Variants in NBAS observed in about 807,000 individuals in gnomAD.
The protein encoded by NBAS is NAG/BC035112 fusion.
NBAS carries 219 observed loss-of-function variants against 302.5 expected under a neutral mutation model. The ratio of observed to expected loss-of-function variants is 0.72; its 90% CI spans 0.65 to 0.81. NBAS has a LOEUF of 0.81. Ranked by LOEUF, NBAS falls within the 30% of genes least tolerant of loss-of-function variation. The probability of loss-of-function intolerance (pLI) is 0.00; values close to 1 mark genes in which losing one functional copy is unlikely to be tolerated. For missense variants in NBAS, 2,932 were observed against 2,841.6 expected (o/e 1.03, Z -0.72); for synonymous variants, 1,118 against 1,021.6 (o/e 1.09, Z -1.80).
In NBAS at chr2:15,413,559, A is replaced by T. The variant is rs77317911; in HGVS notation, c.2937+1987T>A. 6.3e-3 allele frequency among the ~76,000 whole-genome samples: 959 copies of T among 152,330 alleles called. 9 individuals are homozygous for T. Among genetic ancestry groups the T allele is most frequent in the African/African-American group, 0.022 (902 of 41,572 alleles). On this transcript the variant is annotated intron_variant, in intron 25 of 51. Coordinates refer to ENST00000281513, the MANE Select transcript of NBAS (RefSeq NM_015909.4). The stretch of plus-strand genomic sequence containing the variant: ...ACGGGATCACTACTCCAAACAAAGG[A>T]AACAGTCTGTAACACACGGAGGGCC...
intron 22 of NBAS, among the ~76,000 whole-genome samples, chr2:15,425,040 T>C (rs1264414174): frequency 6.6e-6 from 1 of 151,688 alleles, no homozygotes; most frequent in Non-Finnish European, 1.5e-5. Context: ...CCCTATCAAC[T>C]GTGAAAAAAA....
chr2:14,955,792 C>T, the NBAS span, among the ~76,000 whole-genome samples: 1 of 152,108 alleles, frequency 6.6e-6, no homozygotes, highest in Non-Finnish European at 1.5e-5. Flanking sequence ...AGCAAGGGTC[C>T]CCAGCCTCCA....
At chr2:14,990,202 C>G in the NBAS span, among the ~76,000 whole-genome samples, 5 of 141,966 alleles carry the variant, frequency 3.5e-5, no homozygotes, top group African/African-American at 1.3e-4. Context: ...CACCTGAGGT[C>G]AGGAGTTTGA....
chr2:15,313,870 C>G (rs1671387468), intron 38 of NBAS, among the ~76,000 whole-genome samples: 1 of 152,166 alleles, frequency 6.6e-6, no homozygotes, highest in South Asian at 2.1e-4. Context: ...TAATCCTAAG[C>G]AAAAGGCTCT....
Position 15,366,569 on chromosome 2 carries a change from A to C in NBAS, c.3817+11T>G. 1 of 1,608,732 alleles carries C rather than the reference A, an allele frequency of 6.2e-7. No individual in the cohort carries two copies. The highest frequency in any genetic ancestry group is 8.5e-7 in the Non-Finnish European group (1 of 1,175,116). On this transcript the variant is annotated intron_variant, in intron 32 of 51. Coordinates refer to ENST00000281513, the MANE Select transcript of NBAS (RefSeq NM_015909.4). ...AAGCTTATTCTGCAGTTTAGTACTC[A>C]AAAGACTTACCTGCAACCCTCAGCA...
the NBAS span, among the ~76,000 whole-genome samples, chr2:14,790,826 T>C: frequency 2.0e-5 from 3 of 151,824 alleles, no homozygotes; most frequent in Non-Finnish European, 4.4e-5. Flanking sequence ...TAATTTTGTG[T>C]GTGTGTATGT....
chr2:15,356,362 G>T lies in NBAS; in HGVS notation c.3872C>A (p.Ala1291Glu). 1 of 1,613,902 alleles carries T rather than the reference G, an allele frequency of 6.2e-7. No homozygotes were observed. The highest frequency in any genetic ancestry group is 8.5e-7 in the Non-Finnish European group (1 of 1,179,848). The change falls in exon 33 of 52, where the codon GCA becomes GAA. Residue 1291 changes from alanine (A) to glutamate (E), a missense_variant. Coordinates refer to ENST00000281513, the MANE Select transcript of NBAS (RefSeq NM_015909.4). Reference sequence around the variant, plus strand: ...TGCTTTGTAGTCATGGAAGCGAAGTGCCTGCTCCACTAAAAGGATTAGAAC... The same window carrying T: ...TGCTTTGTAGTCATGGAAGCGAAGTTCCTGCTCCACTAAAAGGATTAGAAC... ...GQVLILLVEQ[A>E]LRFHDYKAAS...
intron 49 of NBAS, among the ~76,000 whole-genome samples, chr2:15,189,268 A>T (rs1572418725): frequency 6.6e-6 from 1 of 152,276 alleles, no homozygotes; most frequent in African/African-American, 2.4e-5. Flanking sequence ...GGTTAAAAAA[A>T]TACCACAAAG....
rs1316857597 is a variant in NBAS, at chr2:15,186,888, T to A, written c.6573-8A>T. The A allele has an allele frequency of 6.2e-7, 1 of 1,613,900 alleles. No homozygotes were observed. The highest frequency in any genetic ancestry group is 8.5e-7 in the Non-Finnish European group (1 of 1,179,884). The stretch of plus-strand genomic sequence containing the variant: ...CATGGATTATTGGTTATGCTGGTGT[T>A]TATGGAGAAAAATACAAGGCACTGG... On this transcript the variant is annotated splice_polypyrimidine_tract_variant and splice_region_variant and intron_variant, in intron 49 of 51. Coordinates refer to ENST00000281513, the MANE Select transcript of NBAS (RefSeq NM_015909.4).
the NBAS span, among the ~76,000 whole-genome samples, chr2:15,005,987 G>T: frequency 6.6e-6 from 1 of 152,210 alleles, no homozygotes; most frequent in Admixed American, 6.5e-5. Flanking sequence ...AGGGAGACCA[G>T]TTTGAAGCCA....
At chr2:14,899,637 G>T in the NBAS span, among the ~76,000 whole-genome samples, 1 of 152,110 alleles carries the variant, frequency 6.6e-6, no homozygotes, top group Non-Finnish European at 1.5e-5. Context: ...CATATGACTT[G>T]ATGTGATCAT....
intron 48 of NBAS, among the ~76,000 whole-genome samples, chr2:15,197,175 C>T (rs927438907): frequency 7.2e-5 from 11 of 152,070 alleles, no homozygotes; most frequent in South Asian, 2.1e-4. Context: ...ATATAAGAGC[C>T]GTCTCAATGC....
chr2:15,256,522 A>T (rs964100835), intron 44 of NBAS, among the ~76,000 whole-genome samples: 5 of 152,144 alleles, frequency 3.3e-5, no homozygotes, highest in Admixed American at 2.0e-4. Flanking sequence ...TTCTTTACCA[A>T]TATGGACACC....
chr2:15,543,173 AC>A (rs756679177), intron 6 of NBAS, among the ~76,000 whole-genome samples: 1 of 151,936 alleles, frequency 6.6e-6, no homozygotes, highest in Admixed American at 6.6e-5. Flanking sequence ...TCAAGTCTAT[AC>A]CCCCCGACTC....
the NBAS span, among the ~76,000 whole-genome samples, chr2:15,024,634 T>G: frequency 6.6e-6 from 1 of 152,186 alleles, no homozygotes. Flanking sequence ...CATCTGTTAT[T>G]TTTTGACTTT....
intron 50 of NBAS, among the ~76,000 whole-genome samples, chr2:15,181,929 G>C (rs990081870): frequency 6.6e-6 from 1 of 152,262 alleles, no homozygotes; most frequent in Non-Finnish European, 1.5e-5. Context: ...ACATGCCCCA[G>C]GCATTGCATG....
intron 10 of NBAS, among the ~76,000 whole-genome samples, chr2:15,505,002 C>CA (rs557657353): frequency 2.6e-5 from 4 of 152,160 alleles, no homozygotes; most frequent in Admixed American, 1.3e-4. Context: ...ATACTTTCTC[C>CA]AAAAAAATCA....
chr2:14,794,963 C>T, the NBAS span, among the ~76,000 whole-genome samples: 2 of 152,114 alleles, frequency 1.3e-5, no homozygotes, highest in African/African-American at 2.4e-5. Flanking sequence ...AGTAGTATCC[C>T]ATTTTATGGG....
intron 40 of NBAS, among the ~76,000 whole-genome samples, chr2:15,300,936 G>A (rs967175085): frequency 6.6e-6 from 1 of 152,190 alleles, no homozygotes; most frequent in Non-Finnish European, 1.5e-5. Flanking sequence ...GTTAAATTCA[G>A]AGAAATCTAA....
Sources: gnomAD v4.1 joint callset for allele counts (sites outside exome capture counted in the v4.1 genomes callset) on GRCh38, gnomAD v4.1.1 for gene constraint, MANE v1.5 for transcripts, NCBI Gene and HGNC (gene_info 2026-07-23, HGNC 2026-07-21) for gene names.